UBE2G2: variants seen among roughly 807,000 people sequenced by gnomAD.
The protein encoded by UBE2G2 is ubiquitin-conjugating enzyme E2 G2.
In UBE2G2, 10 loss-of-function variants were observed where a neutral mutation model predicts 23.0. The observed-to-expected ratio is 0.43, with a 90% confidence interval of 0.27 to 0.74. The LOEUF (loss-of-function observed/expected upper bound fraction) is 0.74. UBE2G2 is among the 30% of genes least tolerant of loss of function. The pLI is 0.19. For missense variants in UBE2G2, 150 were observed against 218.3 expected (o/e 0.69, Z 1.97); for synonymous variants, 86 against 81.3 (o/e 1.06, Z -0.31).
At chr21:44,779,055 TAAC>T in intron 3 of UBE2G2, 1 of 161,922 alleles carries the variant, frequency 6.2e-6, no homozygotes, top group Non-Finnish European at 1.4e-5. Flanking sequence ...GTGAAATTAA[TAAC>T]AACAGACTTG....
At chr21:44,788,934 G>A (rs1391244338) in intron 1 of UBE2G2, among the ~76,000 whole-genome samples, 1 of 152,028 alleles carries the variant, frequency 6.6e-6, no homozygotes, top group Non-Finnish European at 1.5e-5. Flanking sequence ...ATTCACAGAT[G>A]CTATGTCCAT....
chr21:44,795,504 C>T (rs759129461), intron 1 of UBE2G2, among the ~76,000 whole-genome samples: 7 of 151,768 alleles, frequency 4.6e-5, no homozygotes, highest in Non-Finnish European at 8.8e-5. Context: ...AGGTGGCATG[C>T]AACTGTAATC....
At chr21:44,778,192 T>C (rs1335101724) in intron 3 of UBE2G2, among the ~76,000 whole-genome samples, 1 of 152,228 alleles carries the variant, frequency 6.6e-6, no homozygotes, top group African/African-American at 2.4e-5. Context: ...TCAAAGGTGA[T>C]TTTTAATTTT....
intron 1 of UBE2G2, chr21:44,800,247 G>A (rs964760042): frequency 6.6e-5 from 10 of 152,170 alleles, no homozygotes; most frequent in African/African-American, 2.4e-4. Flanking sequence ...CAAAGCGCGC[G>A]GGAAACTGAG....
chr21:44,773,489 G>T, intron 5 of UBE2G2, 58 bp downstream of exon 5: 1 of 1,559,242 alleles, frequency 6.4e-7, no homozygotes, highest in Admixed American at 1.8e-5. Flanking sequence ...CGCAAGGCTG[G>T]AGAACACCTG....
chr21:44,794,793 A>G (rs170959), intron 1 of UBE2G2, among the ~76,000 whole-genome samples: 7,761 of 152,232 alleles, frequency 0.051, 287 homozygotes, highest in African/African-American at 0.089. Flanking sequence ...CTCAGCCCAC[A>G]AAGTGCTGGG....
At chr21:44,793,455 G>A (rs1173555450) in intron 1 of UBE2G2, among the ~76,000 whole-genome samples, 3 of 152,192 alleles carry the variant, frequency 2.0e-5, no homozygotes, top group Non-Finnish European at 4.4e-5. Flanking sequence ...AGACCTGCCC[G>A]GGTGTGCGCT....
chr21:44,796,356 T>C (rs2083088880), intron 1 of UBE2G2, among the ~76,000 whole-genome samples: 1 of 152,222 alleles, frequency 6.6e-6, no homozygotes, highest in African/African-American at 2.4e-5. Context: ...TTTCTGCAGT[T>C]ATATGACTAC....
chr21:44,779,443 C>T (rs1027907158), intron 3 of UBE2G2, among the ~76,000 whole-genome samples: 2 of 151,860 alleles, frequency 1.3e-5, no homozygotes, highest in African/African-American at 4.8e-5. Context: ...CCGAGGGAGG[C>T]ACGAGCATGA....
chr21:44,780,171 T>C (rs1383522242), intron 3 of UBE2G2, among the ~76,000 whole-genome samples: 1 of 152,224 alleles, frequency 6.6e-6, no homozygotes, highest in African/African-American at 2.4e-5. Context: ...ATCTTAAATA[T>C]CAAAGTTATT....
chr21:44,800,746 A>C (rs1173740174), intron 1 of UBE2G2: 1 of 152,144 alleles, frequency 6.6e-6, no homozygotes, highest in Non-Finnish European at 1.5e-5. Flanking sequence ...ATGTATATTC[A>C]CCACTTATTT....
intron 3 of UBE2G2, 93 bp downstream of exon 3, chr21:44,787,827 T>C: frequency 2.1e-6 from 3 of 1,437,544 alleles, no homozygotes; most frequent in East Asian, 4.6e-5. Context: ...TTTTTCCAGC[T>C]GATGCTTTTG....
chr21:44,780,193 C>T (rs930340963), intron 3 of UBE2G2, among the ~76,000 whole-genome samples: 4 of 152,184 alleles, frequency 2.6e-5, no homozygotes, highest in African/African-American at 9.7e-5. Flanking sequence ...GCAAATGCTC[C>T]GGTTTACTAC....
intron 1 of UBE2G2, among the ~76,000 whole-genome samples, chr21:44,791,102 C>G (rs1337144204): frequency 6.6e-6 from 1 of 152,176 alleles, no homozygotes; most frequent in African/African-American, 2.4e-5. Context: ...CCCTAGAGAT[C>G]TGTGGAACTT....
chr21:44,798,171 A>ATT (rs2083108604), intron 1 of UBE2G2, among the ~76,000 whole-genome samples: 1 of 152,214 alleles, frequency 6.6e-6, no homozygotes, highest in Non-Finnish European at 1.5e-5. Flanking sequence ...ATAAATAAAT[A>ATT]AATAATTATT....
chr21:44,791,849 T>C lies in UBE2G2; in HGVS notation c.44-3754A>G, dbSNP rs541686266. 2.6e-5 allele frequency among the ~76,000 whole-genome samples: 4 copies of C among 151,668 alleles called. No individual in the cohort carries two copies. The South Asian group carries it at 6.3e-4, about 24-fold the overall frequency. The stretch of plus-strand genomic sequence containing the variant: ...ACTCAATGCCCACCATGAAAGTAGC[T>C]GAAGGGGGTGGGTGTGGGAGGGCTG... On this transcript the variant is annotated intron_variant, in intron 1 of 5. Transcript: ENST00000345496.
At chr21:44,777,676 C>T (rs1382627713) in intron 3 of UBE2G2, among the ~76,000 whole-genome samples, 1 of 151,934 alleles carries the variant, frequency 6.6e-6, no homozygotes, top group Non-Finnish European at 1.5e-5. Flanking sequence ...GGTGTGGTGG[C>T]GCATGACTGT....
At chr21:44,778,584 C>T (rs782381106) in intron 3 of UBE2G2, among the ~76,000 whole-genome samples, 57 of 152,332 alleles carry the variant, frequency 3.7e-4, no homozygotes, top group Non-Finnish European at 6.3e-4. Context: ...TACCTTCACA[C>T]CAGGGACGAA....
At chr21:44,788,309 A>G (rs2083015777) in intron 1 of UBE2G2, among the ~76,000 whole-genome samples, 2 of 75,728 alleles carry the variant, frequency 2.6e-5, no homozygotes, top group African/African-American at 4.6e-5. Flanking sequence ...TTTTTTTTTG[A>G]GACGGAGTCT....
Sources: gnomAD v4.1 joint callset for allele counts (sites outside exome capture counted in the v4.1 genomes callset) on GRCh38, gnomAD v4.1.1 for gene constraint, MANE v1.5 for transcripts, NCBI Gene and HGNC (gene_info 2026-07-23, HGNC 2026-07-21) for gene names.